Variants in CLPTM1 observed in about 807,000 individuals in gnomAD.
The protein encoded by CLPTM1 is putative lipid scramblase CLPTM1.
In CLPTM1, 21 loss-of-function variants were observed where a neutral mutation model predicts 77.3. The observed-to-expected ratio is 0.27, with a 90% confidence interval of 0.19 to 0.39. The LOEUF (loss-of-function observed/expected upper bound fraction) is 0.39. CLPTM1 is among the 10% of genes least tolerant of loss of function. The pLI is 1.00. For synonymous variants in CLPTM1, 373 were observed against 381.0 expected, an observed-to-expected ratio of 0.98 and a Z score of 0.24; for missense variants, 642 against 921.2, an observed-to-expected ratio of 0.70 and a Z score of 3.92.
Position 44,990,402 on chromosome 19 carries a change from G to A in CLPTM1, c.1140G>A (p.Gln380=), listed in dbSNP as rs146894139. 3.8e-5 allele frequency: 61 copies of A among 1,613,898 alleles called. 1 individual carries two copies. Among genetic ancestry groups the A allele is most frequent in the Non-Finnish European group, 5.0e-5 (59 of 1,179,950 alleles). Residue 380 remains glutamine, a synonymous_variant, in exon 10 of 14, where the codon CAG becomes CAA. Transcript: ENST00000337392. This position sits in a 1 kb window ranked among gnomAD's most constrained non-coding sequence, Gnocchi z 4.8. ...FEFLAFKNDI[Q]FWNSRQSLEG... Reference sequence around the variant, plus strand: ...CCTACCCCCTGCGCACAGATATCCAGTTCTGGAACAGCCGGCAGTCCCTGG... The same window carrying A: ...CCTACCCCCTGCGCACAGATATCCAATTCTGGAACAGCCGGCAGTCCCTGG...
At chr19:44,988,801 C>T (rs1200061809) in intron 9 of CLPTM1, among the ~76,000 whole-genome samples, 1 of 152,234 alleles carries the variant, frequency 6.6e-6, no homozygotes. Context: ...CTTCCTTGCC[C>T]AGAGCACCCC....
intron 8 of CLPTM1, 122 bp from the exon 9 acceptor site, chr19:44,987,958 C>G (rs1971008085): frequency 1.3e-6 from 1 of 747,298 alleles, no homozygotes; most frequent in Non-Finnish European, 2.4e-6. Context: ...GACCCAGTCT[C>G]CTCCTGGCTG....
Position 44,974,694 on chromosome 19 carries a change from T to G in CLPTM1, c.468+97T>G, listed in dbSNP as rs204479. On this transcript the variant is annotated intron_variant, in intron 4 of 13. Coordinates refer to ENST00000337392, the MANE Select transcript of CLPTM1 (RefSeq NM_001294.4). ...CTCCTTGCTGAGAGCATGTGGAGTT[T>G]GGGCTCCAGGCTTGGCCCTTCCCTG... is the stretch of plus-strand genomic sequence containing the variant. The G allele has an allele frequency of 2.8e-6, 4 of 1,426,294 alleles. No homozygotes were observed. The African/African-American group carries it at 5.7e-5, about 20-fold the overall frequency. 88.4% of individuals were successfully genotyped at this position (1,426,294 alleles called of 1,614,324 possible).
At chr19:44,963,390 A>G (rs186279243) in intron 2 of CLPTM1, among the ~76,000 whole-genome samples, 2,762 of 148,934 alleles carry the variant, frequency 0.019, 91 homozygotes, top group African/African-American at 0.063. Flanking sequence ...CAGTGGCACA[A>G]TCTTGGCTCA....
intron 2 of CLPTM1, among the ~76,000 whole-genome samples, chr19:44,967,130 C>T (rs1224383199): frequency 3.3e-5 from 5 of 152,094 alleles, no homozygotes; most frequent in South Asian, 2.1e-4. Flanking sequence ...CGTGAGCCAC[C>T]GCGCCTATCC....
intron 5 of CLPTM1, among the ~76,000 whole-genome samples, chr19:44,983,730 A>G (rs957685252): frequency 1.4e-4 from 21 of 151,924 alleles, no homozygotes; most frequent in Non-Finnish European, 3.1e-4. Context: ...TGGGAGGCCA[A>G]GGTGGGCAGA....
intron 3 of CLPTM1, among the ~76,000 whole-genome samples, chr19:44,973,615 C>T (rs1441241329): frequency 6.6e-6 from 1 of 152,132 alleles, no homozygotes; most frequent in Admixed American, 6.6e-5. Flanking sequence ...GAGACCTGCA[C>T]TTCCACAGTG....
intron 2 of CLPTM1, among the ~76,000 whole-genome samples, chr19:44,964,908 G>A (rs1280141185): frequency 6.6e-6 from 1 of 152,144 alleles, no homozygotes; most frequent in Non-Finnish European, 1.5e-5. Flanking sequence ...TTCCTGGGCA[G>A]TGGGACCCCA....
chr19:44,986,305 C>A, intron 6 of CLPTM1, 150 bp from the exon 7 acceptor site: 1 of 1,038,992 alleles, frequency 9.6e-7, no homozygotes, highest in Non-Finnish European at 1.4e-6. Flanking sequence ...TCGAGACCAG[C>A]TTGGGCAGCA....
intron 9 of CLPTM1, among the ~76,000 whole-genome samples, chr19:44,989,314 T>C (rs1971031830): frequency 6.6e-6 from 1 of 152,198 alleles, no homozygotes; most frequent in South Asian, 2.1e-4. Context: ...CTGGCTTGGC[T>C]GGGGTCCAGT....
At chr19:44,980,463 C>T (rs1243359317) in intron 5 of CLPTM1, among the ~76,000 whole-genome samples, 1 of 143,786 alleles carries the variant, frequency 7.0e-6, no homozygotes, top group Non-Finnish European at 1.5e-5. Flanking sequence ...GAGCCGAGAT[C>T]GTGCCACTGT....
At chr19:44,969,209 A>T (rs1209983809) in intron 2 of CLPTM1, among the ~76,000 whole-genome samples, 1 of 152,192 alleles carries the variant, frequency 6.6e-6, no homozygotes, top group Non-Finnish European at 1.5e-5. Context: ...ATAAACATAT[A>T]TATAATTTAA....
chr19:44,988,221 A>G (rs1971013690), intron 9 of CLPTM1, 48 bp downstream of exon 9: 1 of 1,344,604 alleles, frequency 7.4e-7, no homozygotes, highest in Non-Finnish European at 1.1e-6. Flanking sequence ...AGGGTGGGGG[A>G]CAGGACCTGC....
At chr19:44,987,550 C>A in intron 8 of CLPTM1, 127 bp downstream of exon 8, 1 of 1,285,218 alleles carries the variant, frequency 7.8e-7, no homozygotes, top group Non-Finnish European at 1.1e-6. Context: ...GTTTCACAAC[C>A]TCCCAGGTCC....
At chr19:44,979,576 C>T (rs1970861127) in intron 5 of CLPTM1, among the ~76,000 whole-genome samples, 1 of 152,010 alleles carries the variant, frequency 6.6e-6, no homozygotes, top group Admixed American at 6.6e-5. Flanking sequence ...ACAAAAATAT[C>T]CTAAAGGATG....
At chr19:44,958,252 G>C (rs1278376720) in intron 1 of CLPTM1, among the ~76,000 whole-genome samples, 2 of 152,130 alleles carry the variant, frequency 1.3e-5, no homozygotes, top group Non-Finnish European at 2.9e-5. Context: ...GTGTGATGAA[G>C]GAAGGGCGAG....
intron 7 of CLPTM1, 49 bp downstream of exon 7, chr19:44,986,624 C>G: frequency 6.3e-7 from 1 of 1,596,838 alleles, no homozygotes; most frequent in Non-Finnish European, 8.5e-7. Flanking sequence ...TGAGAGGGTG[C>G]TCGGGGTCCA....
chr19:44,959,329 G>A (rs1434336204), intron 1 of CLPTM1, among the ~76,000 whole-genome samples: 1 of 151,842 alleles, frequency 6.6e-6, no homozygotes, highest in African/African-American at 2.4e-5. Context: ...CAAAGTGCTA[G>A]GATTATAGGC....
In CLPTM1 at chr19:44,962,085, C is replaced by A; in HGVS notation, c.185+10C>A. 2 of 1,536,392 alleles carry A rather than the reference C, an allele frequency of 1.3e-6. No homozygotes were observed. Among genetic ancestry groups the A allele is most frequent in the South Asian group, 1.2e-5 (1 of 83,404 alleles). On this transcript the variant is annotated intron_variant, in intron 2 of 13. Coordinates refer to ENST00000337392, the MANE Select transcript of CLPTM1 (RefSeq NM_001294.4). Reference sequence around the variant, plus strand: ...AAGGTGTGCTGTTTAGGTGAGCAGACGGGACTTGGGTTTGTTCACCGAAAA... The same window carrying A: ...AAGGTGTGCTGTTTAGGTGAGCAGAAGGGACTTGGGTTTGTTCACCGAAAA...
Sources: allele counts gnomAD v4.1 joint callset (sites outside exome capture counted in the v4.1 genomes callset), GRCh38; gene constraint gnomAD v4.1.1; non-coding constraint Gnocchi (gnomAD v3.1); transcripts MANE v1.5; gene names NCBI Gene and HGNC (gene_info 2026-07-23, HGNC 2026-07-21).